The following PPP2R3B variants were observed in gnomAD, a reference collection of about 807,000 sequenced individuals.
The protein encoded by PPP2R3B is protein phosphatase 2 regulatory subunit B''beta, also known as serine/threonine-protein phosphatase 2A regulatory subunit B'' subunit beta.
In PPP2R3B, 68 loss-of-function variants were observed where a neutral mutation model predicts 72.9. The observed-to-expected ratio is 0.93, with a 90% CI of 0.77 to 1.14. The LOEUF is 1.14. PPP2R3B is among the 50% of genes most tolerant of loss of function. The pLI, the probability that PPP2R3B is intolerant of heterozygous loss-of-function variation, is 0.00. For synonymous variants in PPP2R3B, 466 were observed against 375.8 expected, an observed-to-expected ratio of 1.24 and a Z score of -2.78; for missense variants, 1,018 against 842.0, an observed-to-expected ratio of 1.21 and a Z score of -2.59.
At chrX:358,834 G>A (rs1304739396) in intron 2 of PPP2R3B, among the ~76,000 whole-genome samples, 1 of 151,460 alleles carries the variant, frequency 6.6e-6, no homozygotes, top group African/African-American at 2.4e-5. Flanking sequence ...GTGGGGGGAG[G>A]CGCCGTTGGG....
In PPP2R3B at chrX:334,426, G is replaced by T; in HGVS notation, c.1669C>A (p.Leu557Met). 1 of 1,594,544 alleles carries T rather than the reference G, an allele frequency of 6.3e-7. No homozygotes were observed. Residue 557 changes from leucine to methionine, a missense_variant, in exon 13 of 13, where the codon CTG becomes ATG. Transcript: ENST00000390665. ...QRPFFEAPSPLGAVDLYEYAC... is the reference protein window; with the variant it reads ...QRPFFEAPSPMGAVDLYEYAC... ...TACTCGTACAGGTCCACGGCGCCCA[G>T]CGGTGAGGGCGCCTCGAAGAAGGGC...
At chrX:379,364 A>G (rs865811159) in intron 1 of PPP2R3B, among the ~76,000 whole-genome samples, 2 of 148,834 alleles carry the variant, frequency 1.3e-5, no homozygotes, top group African/African-American at 2.5e-5. Context: ...GTATGCACCT[A>G]TGTGTGTATG....
At position 341,402 on chromosome X, in the gene PPP2R3B, T is replaced by C. The variant is rs1377387054; in HGVS notation, c.1086-6A>G. The stretch of plus-strand genomic sequence containing the variant: ...CCTTCTGCACTTTTCTGCCTCTAGA[T>C]CGAAAGCCAGGATGGAGAGACGAAG... On this transcript the variant is annotated splice_region_variant and splice_polypyrimidine_tract_variant and intron_variant, in intron 8 of 12. Coordinates refer to ENST00000390665, the MANE Select transcript of PPP2R3B (RefSeq NM_013239.5). 1 of 1,612,306 alleles carries C rather than the reference T, an allele frequency of 6.2e-7. No individual in the cohort carries two copies. The highest frequency in any genetic ancestry group is 8.5e-7 in the Non-Finnish European group (1 of 1,179,608).
At chrX:371,958 C>A (rs973955165) in intron 1 of PPP2R3B, among the ~76,000 whole-genome samples, 19 of 152,216 alleles carry the variant, frequency 1.2e-4, no homozygotes, top group African/African-American at 4.1e-4. Context: ...AAACGGAATT[C>A]ATGATTTCCC....
intron 7 of PPP2R3B, 130 bp downstream of exon 7, chrX:345,386 T>TG: frequency 8.0e-7 from 1 of 1,251,676 alleles, no homozygotes; most frequent in Non-Finnish European, 1.1e-6. Flanking sequence ...GAGCGGCGAG[T>TG]GCGAAGGAGA....
intron 1 of PPP2R3B, among the ~76,000 whole-genome samples, chrX:382,491 C>T (rs760817982): frequency 7.5e-5 from 11 of 146,968 alleles, no homozygotes; most frequent in African/African-American, 2.7e-4. Flanking sequence ...AGCGACTGAG[C>T]CTGGTCTCAT....
intron 2 of PPP2R3B, among the ~76,000 whole-genome samples, chrX:358,162 G>A (rs997365784): frequency 1.3e-5 from 2 of 152,182 alleles, no homozygotes; most frequent in Middle Eastern, 3.2e-3. Context: ...CGGGGGCCCG[G>A]CTCACAGAAA....
In PPP2R3B at chrX:386,434, G is replaced by A. The variant is rs997304059; in HGVS notation, c.258C>T (p.Gly86=). The A allele has an allele frequency of 3.8e-6, 5 of 1,317,624 alleles. No homozygotes were observed. Among genetic ancestry groups the A allele is most frequent in the Non-Finnish European group, 4.9e-6 (5 of 1,028,844 alleles). The allele number at this position is 1,317,624 out of a possible 1,614,324, so 81.6% of individuals were successfully genotyped here. The change falls in exon 1 of 13, where the codon GGC becomes GGT. Residue 86 remains glycine, a synonymous_variant. Coordinates refer to ENST00000390665, the MANE Select transcript of PPP2R3B (RefSeq NM_013239.5). Reference sequence around the variant, plus strand: ...GCGCGTTCCTGGGGCTGGAGGCGGCGCCCAGGGGCAGCGCAGGGCCCGGCC... The same window carrying A: ...GCGCGTTCCTGGGGCTGGAGGCGGCACCCAGGGGCAGCGCAGGGCCCGGCC... ...TPGPGPALPL[G]AASSPRNAPH... is the part of the protein sequence containing the mutation.
chrX:335,908 G>C (rs2070876821), intron 12 of PPP2R3B: 1 of 152,148 alleles, frequency 6.6e-6, no homozygotes, highest in African/African-American at 2.4e-5. Flanking sequence ...GCTCACACCT[G>C]TAATTCCGGC....
Position 386,871 on chromosome X carries a change from G to A in PPP2R3B, c.-180C>T, listed in dbSNP as rs1205990317. ...CTCGCGGGGCGCGGGGACCGAGGAG[G>A]GGGCGCGGTCCGGCCCGCGCTGCTC... On this transcript the variant is annotated 5_prime_UTR_variant, in exon 1 of 13. Coordinates refer to ENST00000390665, the MANE Select transcript of PPP2R3B (RefSeq NM_013239.5). The A allele has an allele frequency of 7.7e-5, 17 of 221,362 alleles. No individual in the cohort carries two copies. In the East Asian group the frequency reaches 9.3e-4, roughly 12 times the overall value. 13.7% of individuals were successfully genotyped at this position (221,362 alleles called of 1,614,324 possible).
intron 12 of PPP2R3B, chrX:338,333 G>A: frequency 1.7e-6 from 1 of 584,064 alleles, no homozygotes; most frequent in Non-Finnish European, 3.1e-6. Flanking sequence ...CCCGTGCTGG[G>A]CCTGATGTGC....
At position 336,078 on chromosome X, in the gene PPP2R3B, G is replaced by A. The variant is rs1280246582; in HGVS notation, c.1578-1561C>T. On this transcript the variant is annotated intron_variant, in intron 12 of 12. Coordinates refer to ENST00000390665, the MANE Select transcript of PPP2R3B (RefSeq NM_013239.5). The stretch of plus-strand genomic sequence containing the variant: ...AGCTACTCGGGGGGCTCAGGTGCGA[G>A]GATTCCTTAAGCCCAGCAGGTGGAG... 8 of 152,206 alleles carry A rather than the reference G, an allele frequency of 5.3e-5. No homozygotes were observed. In the East Asian group the frequency reaches 1.5e-3, roughly 29 times the overall value. The allele number at this position is 152,206 out of a possible 1,614,324, so 9.4% of individuals were successfully genotyped here.
chrX:338,542 C>A (rs2070954726), intron 12 of PPP2R3B, 62 bp downstream of exon 12: 2 of 1,254,438 alleles, frequency 1.6e-6, no homozygotes, highest in African/African-American at 3.2e-5. Flanking sequence ...ACTCACCCGT[C>A]CTCCCCACTC....
Position 386,309 on chromosome X carries a change from C to A in PPP2R3B, c.324+59G>T, listed in dbSNP as rs2072247568. ...CACCAGCCTCCATCGCGCAGCCACACGCCCACTATGCGACCAGAGCCACCT... is the reference window on the plus strand; with the variant it reads ...CACCAGCCTCCATCGCGCAGCCACAAGCCCACTATGCGACCAGAGCCACCT... On this transcript the variant is annotated intron_variant, in intron 1 of 12. Coordinates refer to ENST00000390665, the MANE Select transcript of PPP2R3B (RefSeq NM_013239.5). 3 of 1,262,034 alleles carry A rather than the reference C, an allele frequency of 2.4e-6. No individual in the cohort carries two copies. The African/African-American group carries it at 4.6e-5, about 19-fold the overall frequency. 78.2% of individuals were successfully genotyped at this position (1,262,034 alleles called of 1,614,324 possible).
intron 1 of PPP2R3B, among the ~76,000 whole-genome samples, chrX:363,655 T>G (rs866283450): frequency 0.034 from 95 of 2,822 alleles, 10 homozygotes; most frequent in South Asian, 0.081. Context: ...CATCTCCCTG[T>G]GCCCACCATC....
chrX:386,435 C>T lies in PPP2R3B; in HGVS notation c.257G>A (p.Gly86Asp). Residue 86 changes from glycine (G) to aspartate (D), a missense_variant, in exon 1 of 13, where the codon GGC (glycine) becomes GAC (aspartate). Gly to Asp is a moderately conservative substitution (Grantham distance 94). Coordinates refer to ENST00000390665, the MANE Select transcript of PPP2R3B (RefSeq NM_013239.5). ...CGCGTTCCTGGGGCTGGAGGCGGCG[C>T]CCAGGGGCAGCGCAGGGCCCGGCCC... ...TPGPGPALPL[G>D]AASSPRNAPH... 1 of 1,318,518 alleles carries T rather than the reference C, an allele frequency of 7.6e-7. No homozygotes were observed. The highest frequency in any genetic ancestry group is 9.7e-7 in the Non-Finnish European group (1 of 1,029,480). 81.7% of individuals were successfully genotyped at this position (1,318,518 alleles called of 1,614,324 possible).
intron 10 of PPP2R3B, 106 bp from the exon 11 acceptor site, chrX:339,002 A>T (rs190903825): frequency 1.1e-6 from 1 of 907,428 alleles, no homozygotes; most frequent in African/African-American, 1.6e-5. Flanking sequence ...ACGCGGCACG[A>T]AGCTCCGGGC....
At chrX:334,627 CCTGAGCCGACCTTGAGCTCCAGCCG>C (rs1469114553) in intron 12 of PPP2R3B, 110 bp from the exon 13 acceptor site, 6 of 1,228,588 alleles carry the variant, frequency 4.9e-6, no homozygotes, top group African/African-American at 3.2e-5. Flanking sequence ...GAGACAGTCC[CCTGAGCCGACCTTGAGCTCCAGCCG>C]CTGAGCCAGC....
chrX:339,253 G>A (rs1269735488), intron 10 of PPP2R3B, among the ~76,000 whole-genome samples: 1 of 119,254 alleles, frequency 8.4e-6, no homozygotes, highest in African/African-American at 3.2e-5. Flanking sequence ...ACACTGAGCA[G>A]CAGGAGGCGC....
Sources: gnomAD v4.1 joint callset for allele counts (sites outside exome capture counted in the v4.1 genomes callset) on GRCh38, gnomAD v4.1.1 for gene constraint, MANE v1.5 for transcripts, NCBI Gene and HGNC (gene_info 2026-07-23, HGNC 2026-07-21) for gene names.